Variants in PELP1 observed in about 807,000 individuals in gnomAD.
PELP1 encodes proline, glutamate and leucine rich protein 1.
PELP1 carries 32 observed loss-of-function variants against 95.5 expected under a neutral mutation model. That is an observed-to-expected ratio of 0.34 (90% confidence interval 0.25 to 0.45). PELP1 has a LOEUF of 0.45. PELP1 is among the 20% of genes least tolerant of loss of function. The pLI is 1.00. For missense variants in PELP1, 1,358 were observed against 1,444.8 expected (o/e 0.94, Z 0.97); for synonymous variants, 668 against 600.1 (o/e 1.11, Z -1.65).
Position 4,675,002 on chromosome 17 carries a change from G to A in PELP1, c.1275-46C>T. ...GCAGTTATGAATGGGGGGTCAACAT[G>A]CCAGAAGCCCCAGCCCACCTGCACC... On this transcript the variant is annotated intron_variant, in intron 11 of 16. Coordinates refer to ENST00000572293, the MANE Select transcript of PELP1 (RefSeq NM_014389.3). This position sits in a 1 kb window ranked among gnomAD's most constrained non-coding sequence, Gnocchi z 4.3. 10 of 1,605,624 alleles carry A rather than the reference G, an allele frequency of 6.2e-6. No individual in the cohort carries two copies. The highest frequency in any genetic ancestry group is 8.5e-6 in the Non-Finnish European group (10 of 1,173,564).
At chr17:4,703,364 G>A (rs2150569272) in intron 1 of PELP1, among the ~76,000 whole-genome samples, 1 of 152,174 alleles carries the variant, frequency 6.6e-6, no homozygotes, top group African/African-American at 2.4e-5. Flanking sequence ...AAAAATCTCT[G>A]CCAGTCTTCA....
chr17:4,675,374 A>G lies in PELP1; in HGVS notation c.1069-12T>C, dbSNP rs1038397622. ...TCTCCATGCAAGCTCTGGAGAAAAA[A>G]GGGGCAGAGATAAAGAGTGGAGGAA... On this transcript the variant is annotated splice_polypyrimidine_tract_variant and intron_variant, in intron 9 of 16. Transcript: ENST00000572293. The surrounding 1 kb of genome is among the most constrained non-coding windows in gnomAD (Gnocchi z 4.3). 6.9e-7 allele frequency: 1 copy of G among 1,449,558 alleles called. No individual in the cohort carries two copies. The highest frequency in any genetic ancestry group is 2.5e-5 in the East Asian group (1 of 40,496). The allele number at this position is 1,449,558 out of a possible 1,614,324, so 89.8% of individuals were successfully genotyped here.
At chr17:4,676,885 C>T (rs1271772343) in intron 5 of PELP1, 73 bp from the exon 6 acceptor site, 6 of 1,156,860 alleles carry the variant, frequency 5.2e-6, no homozygotes, top group South Asian at 1.3e-5. Flanking sequence ...CCCATCCGTT[C>T]CCAGCAGCAG....
At position 4,671,606 on chromosome 17, in the gene PELP1, C is replaced by T. The variant is rs191218141; in HGVS notation, c.3301-75G>A. 400 of 1,605,844 alleles carry T rather than the reference C, an allele frequency of 2.5e-4. 2 individuals are homozygous for T. In the East Asian group the frequency reaches 6.2e-3, roughly 25 times the overall value. On this transcript the variant is annotated intron_variant, in intron 16 of 16. Transcript: ENST00000572293. ...AGAAGAATGGTTCAGGCTGGGCAAA[C>T]CTCTCCTAAGAGAAGCAGCTGCCAC...
chr17:4,676,025 C>T lies in PELP1; in HGVS notation c.980+11G>A. On this transcript the variant is annotated intron_variant, in intron 8 of 16. Transcript: ENST00000572293. ...CTCCACGCCTCCGCTCCCTCCAATA[C>T]CCACACACACCTGAGCATGAGCCCT... The T allele has an allele frequency of 1.2e-6, 2 of 1,613,614 alleles. No individual in the cohort carries two copies. Among genetic ancestry groups the T allele is most frequent in the South Asian group, 1.1e-5 (1 of 91,042 alleles).
chr17:4,694,814 T>C (rs1188480899), intron 1 of PELP1, among the ~76,000 whole-genome samples: 3 of 108,252 alleles, frequency 2.8e-5, no homozygotes, highest in Non-Finnish European at 5.9e-5. Flanking sequence ...CTACTAAAAA[T>C]ACAAAAATTA....
Position 4,671,877 on chromosome 17 carries a change from C to G in PELP1, c.3114G>C (p.Glu1038Asp), listed in dbSNP as rs775710694. Residue 1038 changes from glutamate to aspartate, a missense_variant, in exon 16 of 17, where the codon GAG becomes GAC. Physicochemically the swap from Glu to Asp is conservative, Grantham distance 45. Around this residue, in one of 7 missense-constraint regions of PELP1, gnomAD observed 283 missense variants for 284.1 expected, o/e 1.00. Coordinates refer to ENST00000572293, the MANE Select transcript of PELP1 (RefSeq NM_014389.3). Reference protein sequence around the residue: ...PEALPSQGEVEREGESPAAGP... With the variant: ...PEALPSQGEVDREGESPAAGP... ...CTGCCGCAGGGCTTTCCCCTTCCCT[C>G]TCCACCTCTCCCTGGGAGGGGAGCG... 6.6e-7 allele frequency: 1 copy of G among 1,514,412 alleles called. No individual in the cohort carries two copies. Among genetic ancestry groups the G allele is most frequent in the South Asian group, 1.4e-5 (1 of 72,864 alleles). 93.8% of individuals were successfully genotyped at this position (1,514,412 alleles called of 1,614,324 possible).
Position 4,673,873 on chromosome 17 carries a change from T to C in PELP1, c.1583-199A>G, listed in dbSNP as rs934013201. The C allele has an allele frequency of 3.6e-6, 2 of 561,398 alleles. No homozygotes were observed. Among genetic ancestry groups the C allele is most frequent in the African/African-American group, 1.9e-5 (1 of 53,620 alleles). The allele number at this position is 561,398 out of a possible 1,614,324, so 34.8% of individuals were successfully genotyped here. ...CACTGACGGTATTTAATTGAGACAA[T>C]GTAAGTAAAAAATTATAAATTTTAT... On this transcript the variant is annotated intron_variant, in intron 13 of 16. Transcript: ENST00000572293. The surrounding 1 kb of genome is among the most constrained non-coding windows in gnomAD (Gnocchi z 5.7).
intron 3 of PELP1, among the ~76,000 whole-genome samples, chr17:4,684,981 G>T (rs903831170): frequency 6.6e-6 from 1 of 152,114 alleles, no homozygotes; most frequent in East Asian, 1.9e-4. Flanking sequence ...TTACAGGGGT[G>T]AGCCACCAAA....
chr17:4,670,867 A>G lies in PELP1; in HGVS notation c.*572T>C, dbSNP rs1912168603. On this transcript the variant is annotated 3_prime_UTR_variant, in exon 17 of 17. Transcript: ENST00000572293. Reference sequence around the variant, plus strand: ...GAGGACTAGCCCCAAAACAGAGGTCATTCCCAACGTACCCACTACGGACAC... The same window carrying G: ...GAGGACTAGCCCCAAAACAGAGGTCGTTCCCAACGTACCCACTACGGACAC... The G allele has an allele frequency of 6.5e-6, 1 of 153,572 alleles. No homozygotes were observed. The highest frequency in any genetic ancestry group is 6.5e-5 in the Admixed American group (1 of 15,358). The allele number at this position is 153,572 out of a possible 1,614,324, so 9.5% of individuals were successfully genotyped here. A position where few individuals can be genotyped will look rare whatever the true frequency, so the allele number is the denominator to read the frequency against.
Position 4,672,845 on chromosome 17 carries a change from G to T in PELP1, c.2146C>A (p.Leu716Ile). Residue 716 changes from leucine (L) to isoleucine (I), a missense_variant, in exon 16 of 17, where the codon CTA (leucine) becomes ATA (isoleucine). Physicochemically the swap from Leu to Ile is conservative, Grantham distance 5. Around this residue, in one of 7 missense-constraint regions of PELP1, gnomAD observed 340 missense variants for 322.9 expected, o/e 1.05. Coordinates refer to ENST00000572293, the MANE Select transcript of PELP1 (RefSeq NM_014389.3). ...AGAAGCCGGGGAGGGACAGACACTA[G>T]GCCTGGGACAGAAAGGCCTAGGTGG... ...ANHLGLSVPG[L>I]VSVPPRLLPG... 2 of 1,613,960 alleles carry T rather than the reference G, an allele frequency of 1.2e-6. No homozygotes were observed. The highest frequency in any genetic ancestry group is 1.7e-6 in the Non-Finnish European group (2 of 1,179,862).
chr17:4,674,994 G>A (rs1912398928), intron 11 of PELP1, 38 bp from the exon 12 acceptor site: 6 of 1,605,286 alleles, frequency 3.7e-6, no homozygotes, highest in Admixed American at 3.3e-5. Context: ...TGAATGGGGG[G>A]TCAACATGCC....
intron 1 of PELP1, among the ~76,000 whole-genome samples, chr17:4,695,730 G>C (rs1913273342): frequency 6.8e-6 from 1 of 148,024 alleles, no homozygotes; most frequent in Non-Finnish European, 1.5e-5. Flanking sequence ...TGTAATCCCA[G>C]CACTTGGGGA....
rs183172045 is a variant in PELP1 at position 4,675,050 on chromosome 17, A to G, written c.1274+29T>C. 1.3e-3 allele frequency: 2,130 copies of G among 1,611,772 alleles called. 4 individuals are homozygous for G. The highest frequency in any genetic ancestry group is 1.7e-3 in the Non-Finnish European group (1,993 of 1,178,176). On this transcript the variant is annotated intron_variant, in intron 11 of 16. Coordinates refer to ENST00000572293, the MANE Select transcript of PELP1 (RefSeq NM_014389.3). The surrounding 1 kb of genome is among the most constrained non-coding windows in gnomAD (Gnocchi z 4.3). The stretch of plus-strand genomic sequence containing the variant: ...ACCCCCTCACCCCCCTCTCCTCTTT[A>G]TTCCCTTCCTGCCTTCCTGGATGGT...
intron 1 of PELP1, among the ~76,000 whole-genome samples, chr17:4,694,710 C>T (rs1462932340): frequency 3.3e-5 from 5 of 151,382 alleles, no homozygotes; most frequent in African/African-American, 1.2e-4. Flanking sequence ...CGGTGGCTTA[C>T]GCCTGTAATG....
At chr17:4,700,335 G>C (rs1169837415) in intron 1 of PELP1, among the ~76,000 whole-genome samples, 1 of 152,014 alleles carries the variant, frequency 6.6e-6, no homozygotes, top group East Asian at 1.9e-4. Context: ...ATTTAAGTAG[G>C]AGTACACTCT....
chr17:4,672,309 TTCCTCTTCCTCC>T lies in PELP1; in HGVS notation c.2670_2681del (p.Glu905_Glu908del). 1 of 1,551,726 alleles carries T rather than the reference TTCCTCTTCCTCC, an allele frequency of 6.4e-7. No homozygotes were observed. The highest frequency in any genetic ancestry group is 8.7e-7 in the Non-Finnish European group (1 of 1,146,542). Reference sequence around the variant, plus strand: ...CTTCCTCTTCTTCTTCTTCCTCTTCTTCCTCTTCCTCCTCCTCTTCATCACTGCTGTTGATAT... The same window carrying T: ...CTTCCTCTTCTTCTTCTTCCTCTTCTTCCTCTTCATCACTGCTGTTGATAT... On this transcript the variant is annotated inframe_deletion, in exon 16 of 17. Transcript: ENST00000572293.
At chr17:4,692,383 C>T (rs1482941430) in intron 1 of PELP1, among the ~76,000 whole-genome samples, 1 of 151,454 alleles carries the variant, frequency 6.6e-6, no homozygotes, top group African/African-American at 2.4e-5. Context: ...AGGAGAATGG[C>T]GTGAACCCAG....
rs1411782999 is a variant in PELP1 at position 4,676,270 on chromosome 17, C to T, written c.853+87G>A. ...CTAACCCATTTTCCCCAAAAACCAACTGCCCCATGTCTCTGGGCTCCCCTC... is the reference window on the plus strand; with the variant it reads ...CTAACCCATTTTCCCCAAAAACCAATTGCCCCATGTCTCTGGGCTCCCCTC... On this transcript the variant is annotated intron_variant, in intron 7 of 16. Coordinates refer to ENST00000572293, the MANE Select transcript of PELP1 (RefSeq NM_014389.3). 1.9e-6 allele frequency: 3 copies of T among 1,576,520 alleles called. No individual in the cohort carries two copies. In the Admixed American group the frequency reaches 5.2e-5, roughly 27 times the overall value.
Sources: gnomAD v4.1 joint callset for allele counts (sites outside exome capture counted in the v4.1 genomes callset) on GRCh38, gnomAD v4.1.1 for gene constraint, gnomAD v4.1.1 regional missense constraint, Gnocchi (gnomAD v3.1) non-coding constraint, MANE v1.5 for transcripts, NCBI Gene and HGNC (gene_info 2026-07-23, HGNC 2026-07-21) for gene names.